The following SCHIP1 variants were observed in gnomAD, a reference collection of about 807,000 sequenced individuals.
SCHIP1 encodes schwannomin interacting protein 1.
In SCHIP1, 8 loss-of-function variants were observed where a neutral mutation model predicts 29.7. That is an observed-to-expected ratio of 0.27 (90% CI 0.16 to 0.49). The LOEUF (loss-of-function observed/expected upper bound fraction) is 0.49, where lower values mean the gene tolerates loss of function less well. Among genes scored for constraint, SCHIP1 ranks in the 20% least tolerant of loss-of-function variants. The probability of loss-of-function intolerance (pLI) is 0.99; values close to 1 mark genes in which losing one functional copy is unlikely to be tolerated. For synonymous variants in SCHIP1, 76 were observed against 94.9 expected (o/e 0.80, Z 1.16); for missense variants, 193 against 294.6 (o/e 0.66, Z 2.52).
the SCHIP1 span, among the ~76,000 whole-genome samples, chr3:159,550,965 C>T: frequency 6.6e-6 from 1 of 152,058 alleles, no homozygotes; most frequent in Non-Finnish European, 1.5e-5. Flanking sequence ...AATTTATTCT[C>T]AATGAGATCT....
chr3:159,724,229 T>A, the SCHIP1 span, among the ~76,000 whole-genome samples: 1 of 152,244 alleles, frequency 6.6e-6, no homozygotes, highest in Admixed American at 6.5e-5. Flanking sequence ...GGAGTAATCA[T>A]ACTTTTCTCA....
At chr3:159,765,291 C>T in the SCHIP1 span, 9 of 876,700 alleles carry the variant, frequency 1.0e-5, no homozygotes, top group Non-Finnish European at 1.5e-5. Flanking sequence ...GCCGTCTGCT[C>T]CCCTGGGGAT....
At chr3:159,484,113 A>G in the SCHIP1 span, among the ~76,000 whole-genome samples, 1 of 152,310 alleles carries the variant, frequency 6.6e-6, no homozygotes, top group East Asian at 1.9e-4. Context: ...CAGAGACACC[A>G]CATGGGAACA....
chr3:159,570,455 A>G, the SCHIP1 span, among the ~76,000 whole-genome samples: 2 of 152,260 alleles, frequency 1.3e-5, no homozygotes, highest in Admixed American at 6.5e-5. Flanking sequence ...AGATGGTTGT[A>G]GATGTGTGGT....
chr3:159,434,214 C>A, the SCHIP1 span, among the ~76,000 whole-genome samples: 1 of 152,134 alleles, frequency 6.6e-6, no homozygotes, highest in African/African-American at 2.4e-5. Flanking sequence ...ACAGCAATGA[C>A]CTAGACAGAC....
the SCHIP1 span, among the ~76,000 whole-genome samples, chr3:159,568,931 G>C: frequency 1.3e-5 from 2 of 152,074 alleles, no homozygotes; most frequent in Non-Finnish European, 2.9e-5. Context: ...TCTCTTTCTA[G>C]TGAAGTGAGA....
chr3:159,765,252 T>A, the SCHIP1 span: 45 of 1,260,446 alleles, frequency 3.6e-5, no homozygotes, highest in Non-Finnish European at 4.5e-5. Context: ...TCATTCTTCC[T>A]CGAGGGTGGG....
the SCHIP1 span, among the ~76,000 whole-genome samples, chr3:159,395,641 T>C: frequency 5.9e-5 from 9 of 152,330 alleles, no homozygotes; most frequent in Admixed American, 5.2e-4. Context: ...TGAGTGAGAT[T>C]CTTAATCCTG....
chr3:159,616,171 C>T, the SCHIP1 span, among the ~76,000 whole-genome samples: 1 of 152,302 alleles, frequency 6.6e-6, no homozygotes, highest in African/African-American at 2.4e-5. Context: ...AGCTCTGGGG[C>T]AAGATAGCAT....
At chr3:159,709,817 G>C in the SCHIP1 span, among the ~76,000 whole-genome samples, 1 of 152,146 alleles carries the variant, frequency 6.6e-6, no homozygotes, top group Admixed American at 6.5e-5. Context: ...GGAAGTGAAG[G>C]CAGTTTATTA....
chr3:159,895,408 A>G (rs886513964), intron 6 of SCHIP1, among the ~76,000 whole-genome samples: 1 of 152,196 alleles, frequency 6.6e-6, no homozygotes, highest in African/African-American at 2.4e-5. Context: ...GGCAGCACAC[A>G]CAAACTATTC....
chr3:159,727,710 G>A, the SCHIP1 span, among the ~76,000 whole-genome samples: 9 of 152,298 alleles, frequency 5.9e-5, no homozygotes, highest in African/African-American at 2.2e-4. Flanking sequence ...AAAGCAAAGT[G>A]TAGCCAACAC....
At chr3:159,741,518 C>A in the SCHIP1 span, among the ~76,000 whole-genome samples, 1 of 152,192 alleles carries the variant, frequency 6.6e-6, no homozygotes, top group East Asian at 1.9e-4. Flanking sequence ...AAACTGCATG[C>A]CTATTTAAGC....
At chr3:159,543,704 A>G in the SCHIP1 span, among the ~76,000 whole-genome samples, 1 of 152,066 alleles carries the variant, frequency 6.6e-6, no homozygotes, top group African/African-American at 2.4e-5. Flanking sequence ...TTATAGCAGC[A>G]TGATTTATAA....
the SCHIP1 span, among the ~76,000 whole-genome samples, chr3:159,720,422 A>C: frequency 6.6e-6 from 1 of 152,116 alleles, no homozygotes; most frequent in East Asian, 1.9e-4. Flanking sequence ...AAAATTGAAT[A>C]ACTTAGAGAA....
the SCHIP1 span, among the ~76,000 whole-genome samples, chr3:159,287,348 A>G: frequency 1.3e-3 from 196 of 151,792 alleles, 1 homozygote; most frequent in African/African-American, 4.7e-3. Context: ...AAATCTTTAT[A>G]TACTTGAATA....
the SCHIP1 span, among the ~76,000 whole-genome samples, chr3:159,552,398 A>G: frequency 1.5e-3 from 227 of 152,190 alleles, no homozygotes; most frequent in Non-Finnish European, 2.7e-3. Flanking sequence ...CCACAGAATA[A>G]CTACTCTGAC....
the SCHIP1 span, among the ~76,000 whole-genome samples, chr3:159,683,665 A>G: frequency 3.9e-5 from 6 of 152,120 alleles, no homozygotes; most frequent in African/African-American, 1.4e-4. Context: ...GATGCCCTCA[A>G]GGTGTGCTCA....
chr3:159,555,889 G>A, the SCHIP1 span, among the ~76,000 whole-genome samples: 1 of 152,088 alleles, frequency 6.6e-6, no homozygotes, highest in African/African-American at 2.4e-5. Flanking sequence ...GACACAGGGA[G>A]GGGAACATCA....
Sources: allele counts gnomAD v4.1 joint callset (sites outside exome capture counted in the v4.1 genomes callset), GRCh38; gene constraint gnomAD v4.1.1; transcripts MANE v1.5; gene names NCBI Gene and HGNC (gene_info 2026-07-23, HGNC 2026-07-21).